IARS2: variants seen among roughly 807,000 people sequenced by gnomAD.
The protein encoded by IARS2 is isoleucine--tRNA ligase, mitochondrial.
A neutral mutation model predicts 126.3 loss-of-function variants in IARS2; 56 were observed. That is an observed-to-expected ratio of 0.44 (90% CI 0.36 to 0.55). The LOEUF is 0.55. Among genes scored for constraint, IARS2 ranks in the 20% least tolerant of loss-of-function variants. The pLI is 0.00. For synonymous variants in IARS2, 407 were observed against 441.1 expected (o/e 0.92, Z 0.97); for missense variants, 1,127 against 1,245.9 (o/e 0.90, Z 1.44).
chr1:220,145,557 A>T lies in IARS2; in HGVS notation c.2800A>T (p.Met934Leu). The change falls in exon 22 of 23, where the codon ATG becomes TTG. Residue 934 changes from methionine (M) to leucine (L), a missense_variant. Physicochemically the swap from Met to Leu is conservative, Grantham distance 15. Coordinates refer to ENST00000366922, the MANE Select transcript of IARS2 (RefSeq NM_018060.4). ...CAGCACCTCTCAGTTGAATGAATTA[A>T]TGATGGCTTCTGAGTCAACTTTACT... Reference protein sequence around the residue: ...TSSTSQLNELMMASESTLLAQ... With the variant: ...TSSTSQLNELLMASESTLLAQ... The T allele has an allele frequency of 2.5e-6, 4 of 1,613,866 alleles. No homozygotes were observed. The highest frequency in any genetic ancestry group is 2.7e-5 in the African/African-American group (2 of 75,062).
Position 220,098,908 on chromosome 1 carries a change from T to G in IARS2, c.391-1582T>G, listed in dbSNP as rs114463172. Among the ~76,000 whole-genome samples the G allele has an allele frequency of 6.1e-3, 922 of 152,304 alleles. 14 individuals carry two copies. Among genetic ancestry groups the G allele is most frequent in the African/African-American group, 0.021 (864 of 41,576 alleles). On this transcript the variant is annotated intron_variant, in intron 2 of 22. Transcript: ENST00000366922. The stretch of plus-strand genomic sequence containing the variant: ...GTTCATATGACTGAAAGCAACACTA[T>G]TCAGTAGAAATACAATGCAAGCGGC...
intron 12 of IARS2, among the ~76,000 whole-genome samples, chr1:220,120,186 A>T (rs1657008938): frequency 6.7e-6 from 1 of 149,880 alleles, no homozygotes; most frequent in Non-Finnish European, 1.5e-5. Context: ...GCTTCAAGCG[A>T]TTCTCCTTCT....
chr1:220,146,018 C>T (rs1438136321), intron 22 of IARS2, among the ~76,000 whole-genome samples: 1 of 152,088 alleles, frequency 6.6e-6, no homozygotes, highest in Non-Finnish European at 1.5e-5. Flanking sequence ...CCCACTGTTC[C>T]CCAGTATTGA....
intron 3 of IARS2, among the ~76,000 whole-genome samples, chr1:220,101,088 T>C (rs979910435): frequency 2.0e-5 from 3 of 152,182 alleles, no homozygotes; most frequent in African/African-American, 7.2e-5. Context: ...TGTTATACTA[T>C]TGTACATTTG....
chr1:220,111,591 T>C (rs937554455), intron 11 of IARS2, among the ~76,000 whole-genome samples: 9 of 143,486 alleles, frequency 6.3e-5, no homozygotes, highest in Non-Finnish European at 1.1e-4. Context: ...TATATATATA[T>C]ATATATATGT....
chr1:220,137,950 T>A lies in IARS2; in HGVS notation c.2082T>A (p.Asp694Glu). Residue 694 changes from aspartate to glutamate, a missense_variant, in exon 17 of 23, where the codon GAT becomes GAA. Physicochemically the swap from Asp to Glu is conservative, Grantham distance 45. Transcript: ENST00000366922. ...GCAAAGAGCCTCCGTATGGTGCTGA[T>A]GTCCTTCGCTGGTGGGTAGCTGATT... ...DQSKEPPYGA[D>E]VLRWWVADSN... is the part of the protein sequence containing the mutation. 1.2e-6 allele frequency: 2 copies of A among 1,614,194 alleles called. No homozygotes were observed. Among genetic ancestry groups the A allele is most frequent in the East Asian group, 2.2e-5 (1 of 44,888 alleles).
At chr1:220,116,896 G>A (rs1029965905) in intron 12 of IARS2, among the ~76,000 whole-genome samples, 4 of 151,658 alleles carry the variant, frequency 2.6e-5, no homozygotes, top group African/African-American at 4.8e-5. Context: ...ACAGGCACGC[G>A]CCACTGACTT....
At position 220,143,018 on chromosome 1, in the gene IARS2, G is replaced by A. The variant is rs749755637; in HGVS notation, c.2635G>A (p.Val879Met). The A allele has an allele frequency of 6.2e-7, 1 of 1,614,206 alleles. No individual in the cohort carries two copies. Among genetic ancestry groups the A allele is most frequent in the South Asian group, 1.1e-5 (1 of 91,084 alleles). ...GAAAAAGCCCGGGTTGGAAGAAGCT[G>A]TGGAGAGTGCGTGTGCAATGCGAGA... ...IWKKPGLEEA[V>M]ESACAMRDSF... The change falls in exon 21 of 23, where the codon GTG (valine) becomes ATG (methionine). Residue 879 changes from valine to methionine, a missense_variant. Transcript: ENST00000366922.
intron 2 of IARS2, among the ~76,000 whole-genome samples, chr1:220,099,808 A>T (rs1158023123): frequency 2.6e-5 from 4 of 152,196 alleles, no homozygotes; most frequent in African/African-American, 7.2e-5. Flanking sequence ...AATTTTTTTT[A>T]ATGTGACAAC....
intron 2 of IARS2, among the ~76,000 whole-genome samples, chr1:220,100,033 C>T (rs1460226746): frequency 6.6e-6 from 1 of 152,184 alleles, no homozygotes; most frequent in Non-Finnish European, 1.5e-5. Context: ...CAAATCTATC[C>T]TTTGCCTTTG....
chr1:220,143,407 A>G (rs1384148960), intron 21 of IARS2: 1 of 240,134 alleles, frequency 4.2e-6, no homozygotes, highest in African/African-American at 2.2e-5. Context: ...TCCTGATATC[A>G]TCACTGATTC....
intron 16 of IARS2, chr1:220,137,641 C>T (rs1037693727): frequency 9.8e-6 from 3 of 305,254 alleles, no homozygotes; most frequent in Non-Finnish European, 1.9e-5. Context: ...GTCTAACCAC[C>T]AGCTGTAATA....
intron 21 of IARS2, chr1:220,144,217 C>T (rs1657543405): frequency 7.8e-6 from 6 of 773,522 alleles, no homozygotes; most frequent in Non-Finnish European, 1.4e-5. Flanking sequence ...GCCAATGTAA[C>T]CATGCTTCAT....
At chr1:220,124,572 C>G (rs1340205384) in intron 12 of IARS2, among the ~76,000 whole-genome samples, 1 of 152,114 alleles carries the variant, frequency 6.6e-6, no homozygotes, top group Non-Finnish European at 1.5e-5. Context: ...GAAGGGAAAG[C>G]TAGGTCTTAA....
chr1:220,097,623 A>G (rs532939203), intron 2 of IARS2, among the ~76,000 whole-genome samples: 19 of 152,140 alleles, frequency 1.2e-4, no homozygotes, highest in African/African-American at 4.6e-4. Context: ...TCTGCCTCCC[A>G]AAGTGCTGGG....
At chr1:220,130,434 C>T (rs1657234858) in intron 14 of IARS2, among the ~76,000 whole-genome samples, 1 of 152,132 alleles carries the variant, frequency 6.6e-6, no homozygotes, top group Non-Finnish European at 1.5e-5. Flanking sequence ...AACATTTTTG[C>T]CTAGACCGAT....
intron 9 of IARS2, among the ~76,000 whole-genome samples, chr1:220,106,768 G>C (rs1656689906): frequency 6.6e-6 from 1 of 151,824 alleles, no homozygotes; most frequent in African/African-American, 2.4e-5. Flanking sequence ...GAGTAGCTGG[G>C]ACTACAGGTG....
intron 13 of IARS2, among the ~76,000 whole-genome samples, chr1:220,126,140 C>T (rs560294319): frequency 1.3e-5 from 2 of 148,262 alleles, no homozygotes; most frequent in South Asian, 2.1e-4. Context: ...GAAAAAGCCA[C>T]GCAACATACC....
chr1:220,106,186 T>A, intron 9 of IARS2, 126 bp downstream of exon 9: 1 of 709,010 alleles, frequency 1.4e-6, no homozygotes, highest in Non-Finnish European at 2.2e-6. Flanking sequence ...TGCTCAGGTT[T>A]GTGTAGTACT....
Sources: allele counts gnomAD v4.1 joint callset (sites outside exome capture counted in the v4.1 genomes callset), GRCh38; gene constraint gnomAD v4.1.1; transcripts MANE v1.5; gene names NCBI Gene and HGNC (gene_info 2026-07-23, HGNC 2026-07-21).